The following SBNO1 variants were observed in gnomAD, a reference collection of about 807,000 sequenced individuals.
SBNO1 encodes strawberry notch homolog 1.
Under a neutral mutation model 173.6 loss-of-function variants are expected in SBNO1, and 23 were observed. That is an observed-to-expected ratio of 0.13 (90% CI 0.10 to 0.19). SBNO1 has a LOEUF of 0.19. Among genes scored for constraint, SBNO1 ranks in the 10% least tolerant of loss-of-function variants. The probability of loss-of-function intolerance (pLI) is 1.00; values close to 1 mark genes in which losing one functional copy is unlikely to be tolerated. For synonymous variants in SBNO1, 632 were observed against 571.5 expected (o/e 1.11, Z -1.51); for missense variants, 1,238 against 1,671.2 (o/e 0.74, Z 4.52).
chr12:123,333,324 C>G (rs1871439665), intron 7 of SBNO1, among the ~76,000 whole-genome samples: 1 of 152,112 alleles, frequency 6.6e-6, no homozygotes, highest in African/African-American at 2.4e-5. Context: ...ACACAACACC[C>G]CACTGTCCAA....
chr12:123,327,904 C>A lies in SBNO1; in HGVS notation c.1420G>T (p.Ala474Ser). Residue 474 changes from alanine (A) to serine (S), a missense_variant, in exon 11 of 32, where the codon GCT (alanine) becomes TCT (serine). This residue lies in a region of SBNO1 where 182 missense variants were observed against 339.9 expected (regional missense o/e 0.54). Coordinates refer to ENST00000602398, the MANE Select transcript of SBNO1 (RefSeq NM_001167856.3). Reference sequence around the variant, plus strand: ...AATAAATACTCACCAGTTGCACTAGCATAAACAACTCTGGCTTTTGGCAAT... The same window carrying A: ...AATAAATACTCACCAGTTGCACTAGAATAAACAACTCTGGCTTTTGGCAAT... Reference protein sequence around the residue: ...NKLPKARVVYASATGASEPRN... With the variant: ...NKLPKARVVYSSATGASEPRN... 2 of 1,611,146 alleles carry A rather than the reference C, an allele frequency of 1.2e-6. No homozygotes were observed. The highest frequency in any genetic ancestry group is 1.7e-6 in the Non-Finnish European group (2 of 1,178,042).
rs1401714513 is a variant in SBNO1 at position 123,336,407 on chromosome 12, T to C, written c.736A>G (p.Met246Val). The C allele has an allele frequency of 6.3e-7, 1 of 1,588,842 alleles. No individual in the cohort carries two copies. The highest frequency in any genetic ancestry group is 8.6e-7 in the Non-Finnish European group (1 of 1,160,860). The change falls in exon 6 of 32, where the codon ATG becomes GTG. Residue 246 changes from methionine (M) to valine (V), a missense_variant. By Grantham distance (21) the Met-to-Val change is conservative. Coordinates refer to ENST00000602398, the MANE Select transcript of SBNO1 (RefSeq NM_001167856.3). ...CCCGAAGACATACATTTTATTGGCA[T>C]GTATTCTGCATAGGTTTCTGCATGA... ...MGHAETYAEY[M>V]PIKLKIGLRH...
At chr12:123,317,436 G>C in intron 20 of SBNO1, 80 bp from the exon 21 acceptor site, 1 of 1,241,466 alleles carries the variant, frequency 8.1e-7, no homozygotes. Flanking sequence ...TCCTTCAGCA[G>C]ACTGCCTATT....
chr12:123,298,335 C>T (rs755723412), intron 30 of SBNO1, among the ~76,000 whole-genome samples, 164 bp from the exon 31 acceptor site: 4 of 151,974 alleles, frequency 2.6e-5, no homozygotes, highest in Admixed American at 2.6e-4. Context: ...GGTGCGATCT[C>T]GGCTCATTGC....
chr12:123,342,908 AT>A (rs1185184456), intron 4 of SBNO1, among the ~76,000 whole-genome samples: 2 of 152,196 alleles, frequency 1.3e-5, no homozygotes, highest in African/African-American at 2.4e-5. Context: ...GATGAAGAGT[AT>A]TTGGGAGGAC....
chr12:123,359,003 G>A (rs1775186028), intron 1 of SBNO1, among the ~76,000 whole-genome samples: 1 of 151,594 alleles, frequency 6.6e-6, no homozygotes, highest in South Asian at 2.1e-4. Context: ...CGAGATCTTG[G>A]CTCACTGGAA....
chr12:123,349,424 A>G (rs1873621295), intron 2 of SBNO1, among the ~76,000 whole-genome samples: 1 of 152,156 alleles, frequency 6.6e-6, no homozygotes, highest in Non-Finnish European at 1.5e-5. Flanking sequence ...TTTTGCTTTC[A>G]GAGAATGTAT....
At position 123,311,161 on chromosome 12, in the gene SBNO1, A is replaced by G. The variant is rs371321481; in HGVS notation, c.3221-32T>C. ...GAACAGGATCAATTCTGACTCATAA[A>G]TTACAAGGGATGTCTACAATGTACC... On this transcript the variant is annotated intron_variant, in intron 24 of 31. Coordinates refer to ENST00000602398, the MANE Select transcript of SBNO1 (RefSeq NM_001167856.3). 29 of 1,481,914 alleles carry G rather than the reference A, an allele frequency of 2.0e-5. No homozygotes were observed. The African/African-American group carries it at 3.7e-4, about 19-fold the overall frequency. The allele number at this position is 1,481,914 out of a possible 1,614,324, so 91.8% of individuals were successfully genotyped here.
intron 5 of SBNO1, among the ~76,000 whole-genome samples, chr12:123,337,306 T>A (rs993845529): frequency 6.6e-6 from 1 of 152,218 alleles, no homozygotes; most frequent in Non-Finnish European, 1.5e-5. Flanking sequence ...AGATCCGGAA[T>A]AAGCCACTTT....
rs745464955 is a variant in SBNO1, at chr12:123,345,297, G to C, written c.511C>G (p.Pro171Ala). Residue 171 changes from proline (P) to alanine (A), a missense_variant, in exon 4 of 32, where the codon CCA (proline) becomes GCA (alanine). Pro to Ala is a conservative substitution (Grantham distance 27). Coordinates refer to ENST00000602398, the MANE Select transcript of SBNO1 (RefSeq NM_001167856.3). ...NSLNELMKLK[P>A]PANIAQPVAT... Reference sequence around the variant, plus strand: ...ACTGGCTGAGCAATATTAGCAGGTGGCTTTAGTTTCATCAGTTCATTAAGA... The same window carrying C: ...ACTGGCTGAGCAATATTAGCAGGTGCCTTTAGTTTCATCAGTTCATTAAGA... 2 of 1,614,138 alleles carry C rather than the reference G, an allele frequency of 1.2e-6. No individual in the cohort carries two copies. The highest frequency in any genetic ancestry group is 1.7e-6 in the Non-Finnish European group (2 of 1,179,996).
In SBNO1 at chr12:123,290,707, T is replaced by G. The variant is rs1255476121; in HGVS notation, c.*5201A>C. On this transcript the variant is annotated 3_prime_UTR_variant, in exon 32 of 32. Transcript: ENST00000602398. ...CCAGAGCAGTTGCTTGGCTCTCTTT[T>G]GGAGGACAATTGTTCCTTAATGTAC... The G allele has an allele frequency of 2.0e-5, 3 of 151,800 alleles. No homozygotes were observed. Among genetic ancestry groups the G allele is most frequent in the African/African-American group, 7.3e-5 (3 of 41,304 alleles). 9.4% of individuals were successfully genotyped at this position (151,800 alleles called of 1,614,324 possible).
intron 20 of SBNO1, among the ~76,000 whole-genome samples, chr12:123,318,992 C>A (rs1489247447): frequency 6.9e-6 from 1 of 145,642 alleles, no homozygotes; most frequent in African/African-American, 2.5e-5. Context: ...TTGAGACAGT[C>A]TCACTCTGCT....
In SBNO1 at chr12:123,325,605, G is replaced by C. The variant is rs373314152; in HGVS notation, c.1876-6C>G. ...TGCAGACCAATTACAACACACTGGA[G>C]AAAAAAGAAAACATGTTAATTATGA... On this transcript the variant is annotated splice_region_variant and splice_polypyrimidine_tract_variant and intron_variant, in intron 14 of 31. Coordinates refer to ENST00000602398, the MANE Select transcript of SBNO1 (RefSeq NM_001167856.3). 1 of 1,544,404 alleles carries C rather than the reference G, an allele frequency of 6.5e-7. No individual in the cohort carries two copies. Among genetic ancestry groups the C allele is most frequent in the Non-Finnish European group, 8.9e-7 (1 of 1,122,666 alleles).
chr12:123,339,978 C>G (rs556027324), intron 5 of SBNO1, among the ~76,000 whole-genome samples: 45 of 152,264 alleles, frequency 3.0e-4, no homozygotes, highest in African/African-American at 1.1e-3. Flanking sequence ...TCGTCATACT[C>G]AAAACCCAAG....
intron 1 of SBNO1, among the ~76,000 whole-genome samples, chr12:123,350,947 C>T (rs1448042350): frequency 6.6e-6 from 1 of 152,088 alleles, no homozygotes; most frequent in Non-Finnish European, 1.5e-5. Context: ...AATGGTGAAA[C>T]CTTGCCTCTA....
intron 9 of SBNO1, among the ~76,000 whole-genome samples, chr12:123,329,516 C>T (rs1321245907): frequency 6.6e-6 from 1 of 151,650 alleles, no homozygotes; most frequent in Non-Finnish European, 1.5e-5. Flanking sequence ...TTACTATATG[C>T]AAAACACTGT....
chr12:123,301,675 G>A (rs2138883066), intron 30 of SBNO1, among the ~76,000 whole-genome samples: 1 of 152,294 alleles, frequency 6.6e-6, no homozygotes, highest in Admixed American at 6.5e-5. Context: ...GTTTGCATGT[G>A]CTGTGCTATT....
intron 28 of SBNO1, among the ~76,000 whole-genome samples, chr12:123,308,514 C>CA (rs545533445): frequency 6.7e-6 from 1 of 150,080 alleles, no homozygotes; most frequent in Admixed American, 6.6e-5. Flanking sequence ...ACTAAAAATA[C>CA]AAAAAAAATT....
chr12:123,345,617 T>TAGAG, intron 3 of SBNO1, 47 bp from the exon 4 acceptor site: 28 of 1,452,362 alleles, frequency 1.9e-5, no homozygotes, highest in Middle Eastern at 3.5e-4. Context: ...CTTCATTCTC[T>TAGAG]AATGAAGCTT....
Sources: gnomAD v4.1 joint callset for allele counts (sites outside exome capture counted in the v4.1 genomes callset) on GRCh38, gnomAD v4.1.1 for gene constraint, gnomAD v4.1.1 regional missense constraint, MANE v1.5 for transcripts, NCBI Gene and HGNC (gene_info 2026-07-23, HGNC 2026-07-21) for gene names.